Variants in ALDH7A1 observed in about 807,000 individuals in gnomAD.
ALDH7A1 encodes the protein aldehyde dehydrogenase 7 family member A1.
ALDH7A1 carries 63 observed loss-of-function variants against 79.9 expected under a neutral mutation model. The ratio of observed to expected loss-of-function variants is 0.79; its 90% CI spans 0.64 to 0.97. The LOEUF is 0.97. Ranked by LOEUF, ALDH7A1 falls within the 50% of genes least tolerant of loss-of-function variation. ALDH7A1 has a pLI of 0.00. For synonymous variants in ALDH7A1, 240 were observed against 231.2 expected, an observed-to-expected ratio of 1.04 and a Z score of -0.34; for missense variants, 627 against 665.2, an observed-to-expected ratio of 0.94 and a Z score of 0.63.
chr5:126,563,873 C>T (rs1331776589), intron 9 of ALDH7A1, among the ~76,000 whole-genome samples: 1 of 152,048 alleles, frequency 6.6e-6, no homozygotes, highest in Non-Finnish European at 1.5e-5. Context: ...ACTGCAGCCT[C>T]AATTTCTGGG....
chr5:126,558,030 G>GT (rs1220356603), intron 11 of ALDH7A1, among the ~76,000 whole-genome samples: 2 of 151,636 alleles, frequency 1.3e-5, no homozygotes, highest in East Asian at 3.9e-4. Context: ...TAGCCAGGCA[G>GT]GGTGGCACGT....
intron 5 of ALDH7A1, among the ~76,000 whole-genome samples, chr5:126,579,582 C>T (rs1469036826): frequency 6.6e-6 from 1 of 152,048 alleles, no homozygotes; most frequent in Non-Finnish European, 1.5e-5. Context: ...CTGATAGATG[C>T]TCCATAAGCA....
chr5:126,583,702 T>C (rs1346724608), intron 4 of ALDH7A1, among the ~76,000 whole-genome samples: 1 of 151,054 alleles, frequency 6.6e-6, no homozygotes, highest in Non-Finnish European at 1.5e-5. Flanking sequence ...TAGCCAGCCG[T>C]GGTGGCACAA....
rs374101367 is a variant in ALDH7A1 at position 126,559,763 on chromosome 5, T to TCAAAA, written c.914-434_914-430dup. Among the ~76,000 whole-genome samples, 210 of 152,102 alleles carry TCAAAA rather than the reference T, an allele frequency of 1.4e-3. 1 individual carries two copies. Among genetic ancestry groups the TCAAAA allele is most frequent in the Middle Eastern group, 6.8e-3 (2 of 294 alleles). On this transcript the variant is annotated intron_variant, in intron 10 of 17. Coordinates refer to ENST00000409134, the MANE Select transcript of ALDH7A1 (RefSeq NM_001182.5). ...TTTTATAAAGTGCAGTAAAAGAACATCAAAACTATTGTTGTAAAGTAACCA... is the reference window on the plus strand; with the variant it reads ...TTTTATAAAGTGCAGTAAAAGAACATCAAAACAAAACTATTGTTGTAAAGTAACCA...
At chr5:126,549,687 G>T (rs905611405) in intron 16 of ALDH7A1, 1 of 505,932 alleles carries the variant, frequency 2.0e-6, no homozygotes, top group Non-Finnish European at 3.5e-6. Flanking sequence ...CCATTTCAGG[G>T]GTTCACACAT....
At chr5:126,566,975 A>T (rs1750604833) in intron 9 of ALDH7A1, among the ~76,000 whole-genome samples, 1 of 152,228 alleles carries the variant, frequency 6.6e-6, no homozygotes, top group African/African-American at 2.4e-5. Flanking sequence ...AATAAATAAT[A>T]ACTTCTCTTA....
chr5:126,579,092 T>C (rs960311429), intron 5 of ALDH7A1, among the ~76,000 whole-genome samples: 7 of 152,230 alleles, frequency 4.6e-5, no homozygotes, highest in Non-Finnish European at 1.0e-4. Context: ...GGATTTTGGA[T>C]ACCTACTGTA....
chr5:126,546,919 T>A (rs1749805022), intron 16 of ALDH7A1, among the ~76,000 whole-genome samples: 1 of 152,208 alleles, frequency 6.6e-6, no homozygotes, highest in African/African-American at 2.4e-5. Context: ...GTCTTTCTCA[T>A]GAGAGGGAAA....
rs2127030207 is a variant in ALDH7A1 at position 126,542,220 on chromosome 5, A to G, written c.*2745T>C. The G allele has an allele frequency of 6.6e-6, 1 of 152,304 alleles. No individual in the cohort carries two copies. Among genetic ancestry groups the G allele is most frequent in the Admixed American group, 6.5e-5 (1 of 15,286 alleles). 9.4% of individuals were successfully genotyped at this position (152,304 alleles called of 1,614,324 possible). ...AAAATATTGAAACTGAAAACACTTA[A>G]AAAGCATTCCAAATCAGCTTTCCAA... On this transcript the variant is annotated 3_prime_UTR_variant, in exon 18 of 18. Coordinates refer to ENST00000409134, the MANE Select transcript of ALDH7A1 (RefSeq NM_001182.5).
At chr5:126,585,029 T>C (rs1264049495) in intron 3 of ALDH7A1, among the ~76,000 whole-genome samples, 1 of 152,176 alleles carries the variant, frequency 6.6e-6, no homozygotes, top group Non-Finnish European at 1.5e-5. Flanking sequence ...CTGGGCGCGG[T>C]GGCTCACGTC....
At chr5:126,557,237 G>A (rs6898559) in intron 11 of ALDH7A1, among the ~76,000 whole-genome samples, 100,557 of 152,014 alleles carry the variant, frequency 0.66, 33,843 homozygotes, top group Admixed American at 0.76. Context: ...AATGTCAGCT[G>A]TGTAAAAATA....
At chr5:126,563,674 AGAGACGG>A (rs1750475348) in intron 9 of ALDH7A1, among the ~76,000 whole-genome samples, 1 of 152,130 alleles carries the variant, frequency 6.6e-6, no homozygotes, top group African/African-American at 2.4e-5. Context: ...TATTTTTAGT[AGAGACGG>A]GGTTTTGCCA....
chr5:126,577,042 T>A (rs1750996656), intron 6 of ALDH7A1, 37 bp downstream of exon 6: 1 of 1,612,722 alleles, frequency 6.2e-7, no homozygotes, highest in East Asian at 2.2e-5. Context: ...GCTATTTTTA[T>A]CACTCACTAC....
chr5:126,559,434 GTTTTTTTTT>G (rs759132307), intron 10 of ALDH7A1, 100 bp from the exon 11 acceptor site: 1 of 442,484 alleles, frequency 2.3e-6, no homozygotes, highest in Non-Finnish European at 3.9e-6. Flanking sequence ...TTTGGTTTTG[GTTTTTTTTT>G]TTTTTTTTTG....
intron 9 of ALDH7A1, 155 bp from the exon 10 acceptor site, chr5:126,561,279 CT>C: frequency 2.1e-6 from 1 of 477,170 alleles, no homozygotes; most frequent in African/African-American, 2.0e-5. Flanking sequence ...TGATTACACC[CT>C]ATCCCAATTA....
rs572369206 is a variant in ALDH7A1, at chr5:126,561,217, T to C, written c.872-93A>G. On this transcript the variant is annotated intron_variant, in intron 9 of 17. Coordinates refer to ENST00000409134, the MANE Select transcript of ALDH7A1 (RefSeq NM_001182.5). ...GCCTAATCCCAATTATTAAATTATA[T>C]AGCCTGTCCAATTATTTTTTATATA... 2.1e-5 allele frequency: 21 copies of C among 1,014,996 alleles called. 1 individual carries two copies. The South Asian group carries it at 3.1e-4, about 15-fold the overall frequency. 62.9% of individuals were successfully genotyped at this position (1,014,996 alleles called of 1,614,324 possible). A position where few individuals can be genotyped will look rare whatever the true frequency, so the allele number is the denominator to read the frequency against.
At chr5:126,593,316 C>CACAA (rs1554101758) in intron 2 of ALDH7A1, 35 bp downstream of exon 2, 198 of 1,521,252 alleles carry the variant, frequency 1.3e-4, no homozygotes, top group East Asian at 1.2e-3. Context: ...TAAACACACA[C>CACAA]ACACACACAC....
chr5:126,554,044 G>T (rs776636282), intron 13 of ALDH7A1, among the ~76,000 whole-genome samples: 1 of 151,470 alleles, frequency 6.6e-6, no homozygotes, highest in Non-Finnish European at 1.5e-5. Flanking sequence ...GGAGGCGGAG[G>T]TTGCCGTGAG....
intron 3 of ALDH7A1, chr5:126,587,622 ACT>A (rs1241016172): frequency 6.6e-6 from 1 of 151,816 alleles, no homozygotes; most frequent in African/African-American, 2.4e-5. Context: ...CAAGAGCAAA[ACT>A]CTGTCTCAAA....
Sources: gnomAD v4.1 joint callset for allele counts (sites outside exome capture counted in the v4.1 genomes callset) on GRCh38, gnomAD v4.1.1 for gene constraint, MANE v1.5 for transcripts, NCBI Gene and HGNC (gene_info 2026-07-23, HGNC 2026-07-21) for gene names.